Variants in PLCH1 observed in about 807,000 individuals in gnomAD.
PLCH1 encodes 1-phosphatidylinositol 4,5-bisphosphate phosphodiesterase eta-1.
Under a neutral mutation model 126.7 loss-of-function variants are expected in PLCH1, and 60 were observed. That is an observed-to-expected ratio of 0.47 (90% CI 0.38 to 0.59). PLCH1 has a LOEUF of 0.59. Ranked by LOEUF, PLCH1 falls within the 20% of genes least tolerant of loss-of-function variation. The pLI is 0.00. For synonymous variants in PLCH1, 719 were observed against 734.9 expected, an observed-to-expected ratio of 0.98 and a Z score of 0.35; for missense variants, 1,723 against 2,040.0, an observed-to-expected ratio of 0.84 and a Z score of 2.99.
chr3:155,569,346 ATACT>A (rs1222860478), intron 6 of PLCH1, among the ~76,000 whole-genome samples: 2 of 152,152 alleles, frequency 1.3e-5, no homozygotes, highest in African/African-American at 4.8e-5. Flanking sequence ...TTTAGGTTTA[ATACT>A]TACATTTTAA....
intron 12 of PLCH1, 46 bp downstream of exon 12, chr3:155,514,677 C>A (rs760420642): frequency 1.5e-5 from 18 of 1,222,424 alleles, no homozygotes; most frequent in Non-Finnish European, 1.8e-5. Context: ...GTATGAGATG[C>A]TTTTTTTTTC....
intron 2 of PLCH1, among the ~76,000 whole-genome samples, chr3:155,618,223 G>GT (rs575910042): frequency 2.0e-5 from 3 of 151,838 alleles, no homozygotes; most frequent in South Asian, 2.1e-4. Context: ...CGTTTTTGAG[G>GT]TTTTTTTTAA....
At chr3:155,612,329 CAA>C (rs778561751) in intron 2 of PLCH1, among the ~76,000 whole-genome samples, 20 of 92,292 alleles carry the variant, frequency 2.2e-4, no homozygotes, top group Admixed American at 5.7e-4. Context: ...AACTCTGTCT[CAA>C]AAAAAAAAAA....
intron 10 of PLCH1, among the ~76,000 whole-genome samples, chr3:155,528,350 A>G (rs1722243729): frequency 6.6e-6 from 1 of 152,212 alleles, no homozygotes; most frequent in South Asian, 2.1e-4. Flanking sequence ...GAAAGCTCCT[A>G]AAAATCAGTT....
At chr3:155,703,872 G>A (rs1427875068) in intron 2 of PLCH1, among the ~76,000 whole-genome samples, 1 of 152,160 alleles carries the variant, frequency 6.6e-6, no homozygotes, top group Non-Finnish European at 1.5e-5. Flanking sequence ...TACTGGAGTT[G>A]ACAGTGTGGT....
intron 22 of PLCH1, 172 bp from the exon 23 acceptor site, chr3:155,483,223 G>T: frequency 1.1e-6 from 1 of 873,174 alleles, no homozygotes; most frequent in Non-Finnish European, 1.8e-6. Context: ...ATGAATAAAT[G>T]GTAAAATATA....
chr3:155,488,483 C>G (rs939748835), intron 20 of PLCH1, among the ~76,000 whole-genome samples, 177 bp downstream of exon 20: 3 of 152,126 alleles, frequency 2.0e-5, no homozygotes, highest in South Asian at 4.2e-4. Context: ...AGGTGTGAGC[C>G]ACTGCACCCA....
At position 155,585,364 on chromosome 3, in the gene PLCH1, G is replaced by A. The variant is rs182469199; in HGVS notation, c.600+701C>T. 2.2e-3 allele frequency among the ~76,000 whole-genome samples: 340 copies of A among 152,214 alleles called. 2 individuals are homozygous for A. The highest frequency in any genetic ancestry group is 0.014 in the South Asian group (69 of 4,826). Reference sequence around the variant, plus strand: ...TCATTGCAAAACATGGATTATGCACGCAACTTATCTTCAAATAATAGCCTG... The same window carrying A: ...TCATTGCAAAACATGGATTATGCACACAACTTATCTTCAAATAATAGCCTG... On this transcript the variant is annotated intron_variant, in intron 5 of 22. Coordinates refer to ENST00000460012, the MANE Select transcript of PLCH1 (RefSeq NM_014996.4).
At chr3:155,597,654 G>A (rs1271690592) in intron 2 of PLCH1, among the ~76,000 whole-genome samples, 2 of 152,060 alleles carry the variant, frequency 1.3e-5, no homozygotes, top group Non-Finnish European at 2.9e-5. Flanking sequence ...TCTTAACTAG[G>A]AAAGATAATC....
At chr3:155,599,803 G>A (rs1733485067) in intron 2 of PLCH1, among the ~76,000 whole-genome samples, 1 of 152,126 alleles carries the variant, frequency 6.6e-6, no homozygotes, top group African/African-American at 2.4e-5. Flanking sequence ...ATCTGACACA[G>A]GGTCCTCTGT....
chr3:155,486,029 A>G (rs1247066194), intron 21 of PLCH1: 1 of 689,724 alleles, frequency 1.4e-6, no homozygotes, highest in Non-Finnish European at 2.5e-6. Flanking sequence ...CCTTAAAGCA[A>G]CAGATGCATG....
intron 2 of PLCH1, among the ~76,000 whole-genome samples, chr3:155,701,170 A>G (rs573457670): frequency 1.3e-5 from 2 of 152,242 alleles, no homozygotes; most frequent in Non-Finnish European, 2.9e-5. Context: ...ATGAAATAGT[A>G]GGTAGATAAA....
chr3:155,639,565 A>T (rs535875685), intron 2 of PLCH1, among the ~76,000 whole-genome samples: 1 of 152,194 alleles, frequency 6.6e-6, no homozygotes, highest in Non-Finnish European at 1.5e-5. Flanking sequence ...TCATTGGAAA[A>T]TGAAAAGGGA....
downstream of PLCH1, among the ~76,000 whole-genome samples, chr3:155,476,583 C>G (rs1477816752): frequency 2.0e-5 from 3 of 151,460 alleles, no homozygotes; most frequent in Non-Finnish European, 4.4e-5. Flanking sequence ...AACTGATAAA[C>G]AAATTCAGCA....
At position 155,501,604 on chromosome 3, in the gene PLCH1, C is replaced by T. The variant is rs114972446; in HGVS notation, c.1705-810G>A. ...GGTCACAAGTTCAAGACCAGCCTGG[C>T]CAAAAAATGGTGAAACCTCATCTCT... On this transcript the variant is annotated intron_variant, in intron 13 of 22. Coordinates refer to ENST00000460012, the MANE Select transcript of PLCH1 (RefSeq NM_014996.4). 6.0e-3 allele frequency among the ~76,000 whole-genome samples: 917 copies of T among 151,780 alleles called. 9 individuals carry two copies. The highest frequency in any genetic ancestry group is 0.021 in the African/African-American group (852 of 41,386).
At chr3:155,513,365 G>T (rs551511921) in intron 12 of PLCH1, among the ~76,000 whole-genome samples, 2 of 152,160 alleles carry the variant, frequency 1.3e-5, no homozygotes, top group Non-Finnish European at 2.9e-5. Context: ...TTGTCATTAG[G>T]ATCTCTTCAG....
At chr3:155,582,066 C>T (rs969785420) in intron 6 of PLCH1, among the ~76,000 whole-genome samples, 69 of 105,604 alleles carry the variant, frequency 6.5e-4, no homozygotes, top group Admixed American at 9.8e-4. Flanking sequence ...TTTTCTTTTT[C>T]TTTTCTTTCT....
rs1197469458 is a variant in PLCH1 at position 155,652,375 on chromosome 3, A to T, written c.79+51771T>A. On this transcript the variant is annotated intron_variant, in intron 2 of 22. Coordinates refer to ENST00000460012, the MANE Select transcript of PLCH1 (RefSeq NM_014996.4). ...CCAGACTAAGATTATTATCCACCAG[A>T]GTTCTCTAGAGTCAGTAGGACAAAT... 2.0e-5 allele frequency among the ~76,000 whole-genome samples: 3 copies of T among 152,218 alleles called. No individual in the cohort carries two copies. The East Asian group carries it at 5.8e-4, about 29-fold the overall frequency.
intron 2 of PLCH1, among the ~76,000 whole-genome samples, chr3:155,600,511 C>A (rs1218889636): frequency 6.6e-6 from 1 of 151,894 alleles, no homozygotes; most frequent in Non-Finnish European, 1.5e-5. Context: ...TGAGAAAAGT[C>A]TGCAAATGCA....
Sources: allele counts gnomAD v4.1 joint callset (sites outside exome capture counted in the v4.1 genomes callset), GRCh38; gene constraint gnomAD v4.1.1; transcripts MANE v1.5; gene names NCBI Gene and HGNC (gene_info 2026-07-23, HGNC 2026-07-21).